Variants in PRKD3 observed in about 807,000 individuals in gnomAD.
The protein encoded by PRKD3 is protein kinase D3.
Under a neutral mutation model 99.2 loss-of-function variants are expected in PRKD3, and 47 were observed. The ratio of observed to expected loss-of-function variants is 0.47; its 90% CI spans 0.38 to 0.60. The LOEUF (loss-of-function observed/expected upper bound fraction) is 0.60. Among genes scored for constraint, PRKD3 ranks in the 20% least tolerant of loss-of-function variants. The pLI is 0.00. For synonymous variants in PRKD3, 392 were observed against 355.4 expected, an observed-to-expected ratio of 1.10 and a Z score of -1.16; for missense variants, 1,019 against 1,088.4, an observed-to-expected ratio of 0.94 and a Z score of 0.90.
chr2:37,266,212 T>A (rs1483335614), intron 14 of PRKD3, among the ~76,000 whole-genome samples: 1 of 152,196 alleles, frequency 6.6e-6, no homozygotes, highest in Non-Finnish European at 1.5e-5. Context: ...ACAAGTAACA[T>A]AATAAATGTA....
rs761435533 is a variant in PRKD3, at chr2:37,290,884, T to C, written c.543A>G (p.Gln181=). Residue 181 remains glutamine, a synonymous_variant, in exon 4 of 19, where the codon CAA becomes CAG. Transcript: ENST00000234179. ...CGEMLWGLVR[Q]GLKCEGCGLN... The stretch of plus-strand genomic sequence containing the variant: ...AACACACACCTTCACATTTCAGTCC[T>C]TGACGTACCAATCCCCAGAGCATCT... 6.9e-6 allele frequency: 11 copies of C among 1,604,888 alleles called. No homozygotes were observed. Among genetic ancestry groups the C allele is most frequent in the Non-Finnish European group, 7.7e-6 (9 of 1,172,914 alleles).
chr2:37,316,786 G>T lies in PRKD3; in HGVS notation c.-262C>A. ...GGAAGACAACCAGGGATTTGTAAAG[G>T]ATTTAACATCACTGAGCTATCCTCA... On this transcript the variant is annotated 5_prime_UTR_variant, in exon 2 of 19. Coordinates refer to ENST00000234179, the MANE Select transcript of PRKD3 (RefSeq NM_005813.6). The T allele has an allele frequency of 7.6e-7, 1 of 1,310,792 alleles. No homozygotes were observed. The highest frequency in any genetic ancestry group is 9.7e-7 in the Non-Finnish European group (1 of 1,030,248). 81.2% of individuals were successfully genotyped at this position (1,310,792 alleles called of 1,614,324 possible).
intron 18 of PRKD3, among the ~76,000 whole-genome samples, chr2:37,253,908 A>G (rs941686122): frequency 2.0e-5 from 3 of 152,232 alleles, no homozygotes; most frequent in African/African-American, 7.2e-5. Context: ...ATCCTTCAGT[A>G]GACATTTAAA....
chr2:37,289,646 G>GAC, intron 4 of PRKD3, 133 bp from the exon 5 acceptor site: 1 of 695,662 alleles, frequency 1.4e-6, no homozygotes, highest in Non-Finnish European at 2.3e-6. Context: ...TAAGAACCCA[G>GAC]ACAGCAGGCT....
chr2:37,308,962 A>AT (rs1671296309), intron 2 of PRKD3, among the ~76,000 whole-genome samples: 1 of 151,372 alleles, frequency 6.6e-6, no homozygotes, highest in Non-Finnish European at 1.5e-5. Flanking sequence ...TTTCTCTCTT[A>AT]TTTTTCAGAT....
intron 18 of PRKD3, among the ~76,000 whole-genome samples, chr2:37,253,767 TCCCTATAA>T (rs1377697797): frequency 1.3e-5 from 2 of 152,188 alleles, no homozygotes; most frequent in African/African-American, 4.8e-5. Flanking sequence ...TGCCTCTCAC[TCCCTATAA>T]AATAGTTCTA....
rs7578346 is a variant in PRKD3, at chr2:37,316,910, T to C, written c.-386A>G. 5.0e-3 allele frequency: 5,062 copies of C among 1,006,676 alleles called. 217 individuals carry two copies. In the African/African-American group the frequency reaches 0.082, roughly 16 times the overall value. The allele number at this position is 1,006,676 out of a possible 1,614,324, so 62.4% of individuals were successfully genotyped here. Reference sequence around the variant, plus strand: ...GAAATACATATTGAATAAAAGTTGTTTTTCTGTCAAGGTGAAATCCTCTTC... The same window carrying C: ...GAAATACATATTGAATAAAAGTTGTCTTTCTGTCAAGGTGAAATCCTCTTC... On this transcript the variant is annotated 5_prime_UTR_variant, in exon 2 of 19. Coordinates refer to ENST00000234179, the MANE Select transcript of PRKD3 (RefSeq NM_005813.6).
intron 7 of PRKD3, chr2:37,282,188 T>G (rs1245933014): frequency 2.8e-5 from 5 of 179,604 alleles, no homozygotes; most frequent in Admixed American, 1.1e-4. Context: ...TTAAAGAGTT[T>G]AGAACAGTGC....
At chr2:37,272,347 C>G (rs573356565) in intron 12 of PRKD3, 33 bp downstream of exon 12, 1 of 1,590,200 alleles carries the variant, frequency 6.3e-7, no homozygotes, top group Non-Finnish European at 8.5e-7. Context: ...TTTTAATCAC[C>G]CAGTTTACAC....
rs1667974871 is a variant in PRKD3 at position 37,256,649 on chromosome 2, TTTTTTTTTTTA to T, written c.2413+2_2413+12del. 1 of 1,406,728 alleles carries T rather than the reference TTTTTTTTTTTA, an allele frequency of 7.1e-7. No individual in the cohort carries two copies. 87.1% of individuals were successfully genotyped at this position (1,406,728 alleles called of 1,614,324 possible). ...CAAAATTTTTTTTTTTTTTTTTTTT[TTTTTTTTTTTA>T]CCTTCACCAGAAATTTCTCTCCATG... is the stretch of plus-strand genomic sequence containing the variant. On this transcript the variant is annotated splice_donor_variant and splice_donor_5th_base_variant and intron_variant, in intron 17 of 18. Coordinates refer to ENST00000234179, the MANE Select transcript of PRKD3 (RefSeq NM_005813.6). LOFTEE classifies it high-confidence loss of function.
At chr2:37,290,133 C>A (rs990402299) in intron 4 of PRKD3, among the ~76,000 whole-genome samples, 1 of 152,206 alleles carries the variant, frequency 6.6e-6, no homozygotes, top group Non-Finnish European at 1.5e-5. Context: ...TGACCCTCCA[C>A]CTTAGAAGAC....
intron 3 of PRKD3, among the ~76,000 whole-genome samples, chr2:37,292,655 C>T (rs146539257): frequency 6.7e-6 from 1 of 150,118 alleles, no homozygotes; most frequent in Non-Finnish European, 1.5e-5. Flanking sequence ...CTTTCTTTTG[C>T]TTTTTTAAAG....
intron 2 of PRKD3, among the ~76,000 whole-genome samples, chr2:37,297,496 T>C (rs1367684790): frequency 1.3e-5 from 2 of 152,200 alleles, no homozygotes; most frequent in East Asian, 1.9e-4. Context: ...TACATTATCA[T>C]TAACTAAGGC....
At chr2:37,317,938 T>C (rs1671732746) in intron 1 of PRKD3, 1 of 151,222 alleles carries the variant, frequency 6.6e-6, no homozygotes, top group Admixed American at 6.6e-5. Context: ...TAGTTAAATA[T>C]GTATCATAAT....
In PRKD3 at chr2:37,289,532, G is replaced by T. The variant is rs1474754549; in HGVS notation, c.560-19C>A. On this transcript the variant is annotated intron_variant, in intron 4 of 18. Transcript: ENST00000234179. Reference sequence around the variant, plus strand: ...CCACAGCCTAAACATATTTTACAAGGTAAAATATAAGATTTAAAAAAAAAT... The same window carrying T: ...CCACAGCCTAAACATATTTTACAAGTTAAAATATAAGATTTAAAAAAAAAT... 6.3e-7 allele frequency: 1 copy of T among 1,575,138 alleles called. No homozygotes were observed. The highest frequency in any genetic ancestry group is 8.6e-7 in the Non-Finnish European group (1 of 1,160,680).
chr2:37,305,969 A>G (rs539681224), intron 2 of PRKD3, among the ~76,000 whole-genome samples: 2 of 152,290 alleles, frequency 1.3e-5, no homozygotes, highest in African/African-American at 4.8e-5. Context: ...AAAAGGGCCT[A>G]TCATCAGTGG....
At chr2:37,311,962 A>G (rs141602019) in intron 2 of PRKD3, among the ~76,000 whole-genome samples, 1 of 152,340 alleles carries the variant, frequency 6.6e-6, no homozygotes, top group East Asian at 1.9e-4. Context: ...TCCACATTTA[A>G]AATGCATATA....
At chr2:37,269,348 C>T (rs11124573) in intron 13 of PRKD3, 40,523 of 413,214 alleles carry the variant, frequency 0.098, 3,431 homozygotes, top group East Asian at 0.34. Context: ...CCCCTGCCTC[C>T]GACAAACATC....
intron 7 of PRKD3, among the ~76,000 whole-genome samples, chr2:37,281,275 C>T (rs988638747): frequency 6.6e-6 from 1 of 151,886 alleles, no homozygotes; most frequent in African/African-American, 2.4e-5. Flanking sequence ...TAGAAAAACA[C>T]GAAAACACAA....
Sources: allele counts gnomAD v4.1 joint callset (sites outside exome capture counted in the v4.1 genomes callset), GRCh38; gene constraint gnomAD v4.1.1; transcripts MANE v1.5; gene names NCBI Gene and HGNC (gene_info 2026-07-23, HGNC 2026-07-21).